Variants in GRM5 observed in about 807,000 individuals in gnomAD.
GRM5 encodes the protein glutamate metabotropic receptor 5.
Under a neutral mutation model 83.1 loss-of-function variants are expected in GRM5, and 19 were observed. The ratio of observed to expected loss-of-function variants is 0.23; its 90% confidence interval spans 0.16 to 0.34. GRM5 has a LOEUF of 0.34. Ranked by LOEUF, GRM5 falls within the 10% of genes least tolerant of loss-of-function variation. The pLI, the probability that GRM5 is intolerant of heterozygous loss-of-function variation, is 1.00. For missense variants in GRM5, 1,160 were observed against 1,588.3 expected, an observed-to-expected ratio of 0.73 and a Z score of 4.58; for synonymous variants, 675 against 633.6, an observed-to-expected ratio of 1.07 and a Z score of -0.98.
rs564778506 is a variant in GRM5 at position 88,694,092 on chromosome 11, G to A, written c.912-40689C>T. 7.6e-4 allele frequency among the ~76,000 whole-genome samples: 116 copies of A among 152,268 alleles called. 1 individual carries two copies. The highest frequency in any genetic ancestry group is 6.8e-3 in the Middle Eastern group (2 of 294). ...CTGCAAATTGGAGATAATAGTACCC[G>A]TTTCATAGAACTCAATAAATAGTTG... On this transcript the variant is annotated intron_variant, in intron 3 of 9. Transcript: ENST00000305447.
At chr11:88,676,612 G>A (rs1303691172) in intron 3 of GRM5, among the ~76,000 whole-genome samples, 1 of 151,992 alleles carries the variant, frequency 6.6e-6, no homozygotes, top group Non-Finnish European at 1.5e-5. Flanking sequence ...ATTACTTACT[G>A]CCTAGCACAA....
At chr11:88,538,220 A>G (rs1416565959) in intron 8 of GRM5, among the ~76,000 whole-genome samples, 1 of 152,172 alleles carries the variant, frequency 6.6e-6, no homozygotes, top group African/African-American at 2.4e-5. Flanking sequence ...CCTTTCATTT[A>G]GCTTCTGAAG....
intron 2 of GRM5, among the ~76,000 whole-genome samples, chr11:88,870,326 G>C (rs933333082): frequency 4.0e-5 from 6 of 151,484 alleles, no homozygotes; most frequent in African/African-American, 1.5e-4. Flanking sequence ...GAAAGTTATA[G>C]AATGAAAATA....
chr11:88,568,559 C>G (rs1284890950), intron 7 of GRM5, among the ~76,000 whole-genome samples: 1 of 152,074 alleles, frequency 6.6e-6, no homozygotes, highest in Non-Finnish European at 1.5e-5. Context: ...AATCCTAGAT[C>G]AGTAGGAAGT....
intron 9 of GRM5, among the ~76,000 whole-genome samples, chr11:88,512,983 A>G (rs778760976): frequency 6.6e-6 from 1 of 152,078 alleles, no homozygotes; most frequent in Non-Finnish European, 1.5e-5. Flanking sequence ...ACCCTAAACT[A>G]TCTCCTTGGG....
chr11:88,755,165 T>G (rs1382265436), intron 3 of GRM5, among the ~76,000 whole-genome samples: 2 of 152,134 alleles, frequency 1.3e-5, no homozygotes, highest in Non-Finnish European at 2.9e-5. Flanking sequence ...AATAAGGCAT[T>G]TGGAAATAGA....
intron 4 of GRM5, among the ~76,000 whole-genome samples, chr11:88,614,173 G>A (rs138973832): frequency 8.9e-4 from 136 of 152,160 alleles, no homozygotes; most frequent in Admixed American, 3.5e-3. Context: ...TTTTGAACAG[G>A]GTATGGAGAT....
intron 2 of GRM5, among the ~76,000 whole-genome samples, chr11:88,911,132 GA>G (rs1413954585): frequency 1.3e-5 from 2 of 151,964 alleles, no homozygotes; most frequent in African/African-American, 4.8e-5. Context: ...CCCAAAAGAT[GA>G]AAAAGATTAA....
intron 8 of GRM5, among the ~76,000 whole-genome samples, chr11:88,547,839 A>G (rs1942419825): frequency 6.6e-6 from 1 of 152,138 alleles, no homozygotes; most frequent in African/African-American, 2.4e-5. Context: ...TTACAAGGCT[A>G]TTGTACAATG....
At chr11:88,989,526 A>G (rs1939881758) in intron 2 of GRM5, among the ~76,000 whole-genome samples, 1 of 133,978 alleles carries the variant, frequency 7.5e-6, no homozygotes, top group African/African-American at 2.9e-5. Context: ...AGACATCTAC[A>G]GAACTCTCCA....
chr11:88,962,351 T>G (rs1158730113), intron 2 of GRM5, among the ~76,000 whole-genome samples: 2 of 152,130 alleles, frequency 1.3e-5, no homozygotes, highest in Non-Finnish European at 2.9e-5. Flanking sequence ...ATTCTTCCAT[T>G]CACTTACCTT....
At chr11:88,802,039 C>T (rs1027402387) in intron 3 of GRM5, among the ~76,000 whole-genome samples, 4 of 152,062 alleles carry the variant, frequency 2.6e-5, no homozygotes, top group Admixed American at 6.6e-5. Flanking sequence ...TGGAGAAATG[C>T]TTTAGAATAT....
intron 3 of GRM5, among the ~76,000 whole-genome samples, chr11:88,837,832 C>G (rs1158306728): frequency 6.6e-6 from 1 of 152,088 alleles, no homozygotes; most frequent in South Asian, 2.1e-4. Flanking sequence ...CGCCTGTAAT[C>G]CCAGCACTTT....
chr11:88,976,634 T>C (rs1016671367), intron 2 of GRM5, among the ~76,000 whole-genome samples: 2 of 152,170 alleles, frequency 1.3e-5, no homozygotes, highest in African/African-American at 4.8e-5. Flanking sequence ...TGCTGAGTTT[T>C]TCAACACTGT....
intron 3 of GRM5, among the ~76,000 whole-genome samples, chr11:88,797,688 G>A (rs1013108038): frequency 4.1e-4 from 63 of 151,994 alleles, no homozygotes; most frequent in African/African-American, 1.4e-3. Context: ...TTCTAAATTT[G>A]TTGGATTCTC....
intron 2 of GRM5, among the ~76,000 whole-genome samples, chr11:88,934,904 A>C (rs553286310): frequency 6.6e-6 from 1 of 152,068 alleles, no homozygotes; most frequent in East Asian, 1.9e-4. Flanking sequence ...ATAGACAATA[A>C]GGTTTGCCAA....
chr11:88,897,837 G>A (rs1167676011), intron 2 of GRM5, among the ~76,000 whole-genome samples: 3 of 151,866 alleles, frequency 2.0e-5, no homozygotes, highest in Non-Finnish European at 4.4e-5. Context: ...TCCTTAAAAG[G>A]TTTTGGTGAA....
At chr11:88,806,411 T>C (rs778562394) in intron 3 of GRM5, among the ~76,000 whole-genome samples, 1 of 152,234 alleles carries the variant, frequency 6.6e-6, no homozygotes, top group East Asian at 1.9e-4. Context: ...TGTTTCAACA[T>C]TGACTTAATT....
intron 5 of GRM5, among the ~76,000 whole-genome samples, chr11:88,601,169 T>C (rs1937982536): frequency 6.6e-6 from 1 of 152,252 alleles, no homozygotes; most frequent in African/African-American, 2.4e-5. Context: ...ACCTTGGACA[T>C]GTCTCTTTCT....
Sources: gnomAD v4.1 joint callset for allele counts (sites outside exome capture counted in the v4.1 genomes callset) on GRCh38, gnomAD v4.1.1 for gene constraint, MANE v1.5 for transcripts, NCBI Gene and HGNC (gene_info 2026-07-23, HGNC 2026-07-21) for gene names.